The following TMIGD3 variants were observed in gnomAD, a reference collection of about 807,000 sequenced individuals.
TMIGD3 encodes the protein AD026 protein (AD026).
A neutral mutation model predicts 28.1 loss-of-function variants in TMIGD3; 21 were observed. The observed-to-expected ratio is 0.75, with a 90% CI of 0.53 to 1.08. TMIGD3 has a LOEUF of 1.08. Ranked by LOEUF, TMIGD3 falls within the 50% of genes least tolerant of loss-of-function variation. The pLI, the probability that TMIGD3 is intolerant of heterozygous loss-of-function variation, is 0.00. For synonymous variants in TMIGD3, 151 were observed against 162.1 expected, an observed-to-expected ratio of 0.93 and a Z score of 0.52; for missense variants, 416 against 435.6, an observed-to-expected ratio of 0.96 and a Z score of 0.40.
intron 1 of TMIGD3, among the ~76,000 whole-genome samples, chr1:111,559,536 T>C (rs1163130037): frequency 6.6e-6 from 1 of 152,216 alleles, no homozygotes; most frequent in African/African-American, 2.4e-5. Flanking sequence ...TTTCTCACTT[T>C]GCCTCCTTTT....
At position 111,488,916 on chromosome 1, in the gene TMIGD3, C is replaced by T. The variant is rs780824295; in HGVS notation, c.566G>A (p.Arg189Gln). The change falls in exon 3 of 6, where the codon CGA (arginine) becomes CAA (glutamine). Residue 189 changes from arginine to glutamine, a missense_variant. By Grantham distance (43) the Arg-to-Gln change is conservative (BLOSUM62 1). Transcript: ENST00000369716. ...HYKNHPKYWC[R>Q]GYFRDYCNII... Reference sequence around the variant, plus strand: ...GTTGCAGTAGTCACGGAAATAGCCTCGGCACCAGTATTTGGGGTGATTCTT... The same window carrying T: ...GTTGCAGTAGTCACGGAAATAGCCTTGGCACCAGTATTTGGGGTGATTCTT... The T allele has an allele frequency of 2.0e-5, 33 of 1,614,022 alleles. No individual in the cohort carries two copies. The East Asian group carries it at 3.8e-4, about 19-fold the overall frequency.
intron 1 of TMIGD3, among the ~76,000 whole-genome samples, chr1:111,491,878 A>C (rs530833603): frequency 4.0e-4 from 61 of 152,358 alleles, no homozygotes; most frequent in African/African-American, 1.4e-3. Flanking sequence ...TTGAGATGTG[A>C]TAATGGCATT....
chr1:111,488,946 T>G lies in TMIGD3; in HGVS notation c.536A>C (p.His179Pro), dbSNP rs1187757069. Reference protein sequence around the residue: ...TASAICNYNAHYKNHPKYWCR... With the variant: ...TASAICNYNAPYKNHPKYWCR... ...CCAGTATTTGGGGTGATTCTTGTAG[T>G]GGGCATTGTAGTTGCAGATGGCAGA... The change falls in exon 3 of 6, where the codon CAC becomes CCC. Residue 179 changes from histidine (H) to proline (P), a missense_variant. Physicochemically the swap from His to Pro is moderately conservative, Grantham distance 77 (BLOSUM62 -2). Coordinates refer to ENST00000369716, the MANE Select transcript of TMIGD3 (RefSeq NM_020683.7). The G allele has an allele frequency of 3.1e-6, 5 of 1,614,192 alleles. No homozygotes were observed. Among genetic ancestry groups the G allele is most frequent in the Non-Finnish European group, 4.2e-6 (5 of 1,180,036 alleles).
intron 1 of TMIGD3, among the ~76,000 whole-genome samples, chr1:111,538,076 A>G (rs1250387882): frequency 1.3e-5 from 2 of 152,238 alleles, no homozygotes; most frequent in Non-Finnish European, 2.9e-5. Flanking sequence ...GAGTTGGCTC[A>G]GAAAACTGAG....
intron 1 of TMIGD3, among the ~76,000 whole-genome samples, chr1:111,490,972 G>A (rs1017192946): frequency 2.0e-5 from 3 of 152,172 alleles, no homozygotes; most frequent in African/African-American, 4.8e-5. Flanking sequence ...TCCCTCCTGC[G>A]TAAATGGGCT....
intron 1 of TMIGD3, among the ~76,000 whole-genome samples, chr1:111,515,204 T>C (rs1240592516): frequency 3.9e-5 from 6 of 152,182 alleles, no homozygotes; most frequent in African/African-American, 1.4e-4. Context: ...TGAGACCTAG[T>C]TTCTTGACCC....
At chr1:111,540,977 A>G (rs1442502187) in intron 1 of TMIGD3, among the ~76,000 whole-genome samples, 2 of 152,036 alleles carry the variant, frequency 1.3e-5, no homozygotes. Flanking sequence ...CTTTTTCTGA[A>G]AAGGGACAGA....
intron 1 of TMIGD3, among the ~76,000 whole-genome samples, chr1:111,554,885 C>G (rs184643177): frequency 6.6e-6 from 1 of 152,062 alleles, no homozygotes. Context: ...ACAAAAGTCA[C>G]AAAATACACA....
intron 1 of TMIGD3, among the ~76,000 whole-genome samples, chr1:111,558,700 G>A (rs1657613951): frequency 6.6e-6 from 1 of 152,026 alleles, no homozygotes. Flanking sequence ...TATTTCCCAG[G>A]AAGATATAAA....
Position 111,503,190 on chromosome 1 carries a change from G to A in TMIGD3, c.165C>T (p.Ala55=). The A allele has an allele frequency of 1.2e-6, 2 of 1,614,246 alleles. No homozygotes were observed. The highest frequency in any genetic ancestry group is 2.2e-5 in the South Asian group (2 of 91,086). ...GCACCCCAACAGCAATGTCAGCCAG[G>A]GCTAGAGAGACAATGAAATAGAAGG... ...TTTFYFIVSL[A]LADIAVGVLV... is the part of the protein sequence containing the mutation. Residue 55 remains alanine, a synonymous_variant, in exon 1 of 6, where the codon GCC becomes GCT. Coordinates refer to ENST00000369716, the MANE Select transcript of TMIGD3 (RefSeq NM_020683.7).
chr1:111,497,469 T>C (rs1571408383), intron 1 of TMIGD3, among the ~76,000 whole-genome samples: 1 of 152,246 alleles, frequency 6.6e-6, no homozygotes, highest in East Asian at 1.9e-4. Flanking sequence ...CTAACCAAGC[T>C]CCTCACCAGT....
rs778722569 is a variant in TMIGD3 at position 111,488,853 on chromosome 1, G to A, written c.629C>T (p.Ala210Val). The change falls in exon 3 of 6, where the codon GCC (alanine) becomes GTC (valine). Residue 210 changes from alanine (A) to valine (V), a missense_variant. Coordinates refer to ENST00000369716, the MANE Select transcript of TMIGD3 (RefSeq NM_020683.7). ...GAGCTGGTTCCCTGTGTCCCTCAGG[G>A]CCACATGATTGGTGCTGTTAGGGGA... ...AFSPNSTNHV[A>V]LRDTGNQLIV... is the part of the protein sequence containing the mutation. The A allele has an allele frequency of 1.2e-6, 2 of 1,614,184 alleles. No individual in the cohort carries two copies. The highest frequency in any genetic ancestry group is 2.2e-5 in the East Asian group (1 of 44,880).
chr1:111,545,927 C>T (rs1397854648), intron 1 of TMIGD3, among the ~76,000 whole-genome samples: 1 of 152,088 alleles, frequency 6.6e-6, no homozygotes, highest in African/African-American at 2.4e-5. Flanking sequence ...ATCAATTGTC[C>T]ACAGGTGGAT....
chr1:111,550,943 C>A (rs1356877328), intron 1 of TMIGD3, among the ~76,000 whole-genome samples: 2 of 149,556 alleles, frequency 1.3e-5, no homozygotes. Context: ...ATTGTTATAT[C>A]TTCATAGTGG....
At chr1:111,551,692 T>G (rs1657263382) in intron 1 of TMIGD3, among the ~76,000 whole-genome samples, 1 of 152,190 alleles carries the variant, frequency 6.6e-6, no homozygotes, top group South Asian at 2.1e-4. Flanking sequence ...TATTTATCTA[T>G]GTAGTTATCA....
At chr1:111,554,816 C>G (rs1227178578) in intron 1 of TMIGD3, among the ~76,000 whole-genome samples, 3 of 152,104 alleles carry the variant, frequency 2.0e-5, no homozygotes, top group Non-Finnish European at 2.9e-5. Flanking sequence ...AACACAAATT[C>G]TCTCTACTCA....
At chr1:111,546,864 C>G (rs989186502) in intron 1 of TMIGD3, among the ~76,000 whole-genome samples, 1 of 152,112 alleles carries the variant, frequency 6.6e-6, no homozygotes, top group Non-Finnish European at 1.5e-5. Flanking sequence ...TTCACAGTGG[C>G]TGCACCAGTT....
At chr1:111,485,620 G>A in intron 5 of TMIGD3, 120 bp downstream of exon 5, 1 of 734,792 alleles carries the variant, frequency 1.4e-6, no homozygotes. Flanking sequence ...TGGCTGCATT[G>A]GTCTCCAGGT....
At chr1:111,519,151 C>CTGGT (rs945648779) in intron 1 of TMIGD3, among the ~76,000 whole-genome samples, 5 of 152,160 alleles carry the variant, frequency 3.3e-5, no homozygotes, top group African/African-American at 9.7e-5. Context: ...GTTGGCCAGG[C>CTGGT]TGGTCTCAAA....
Sources: gnomAD v4.1 joint callset for allele counts (sites outside exome capture counted in the v4.1 genomes callset) on GRCh38, gnomAD v4.1.1 for gene constraint, MANE v1.5 for transcripts, NCBI Gene and HGNC (gene_info 2026-07-23, HGNC 2026-07-21) for gene names.